The following MSN variants were observed in gnomAD, a reference collection of about 807,000 sequenced individuals.
MSN encodes moesin.
Under a neutral mutation model 48.0 loss-of-function variants are expected in MSN, and 2 were observed. That is an observed-to-expected ratio of 0.04 (90% confidence interval 0.02 to 0.13). The LOEUF (loss-of-function observed/expected upper bound fraction) is 0.13. Among genes scored for constraint, MSN ranks in the 10% least tolerant of loss-of-function variants. The probability of loss-of-function intolerance (pLI) is 1.00; values close to 1 mark genes in which losing one functional copy is unlikely to be tolerated. For synonymous variants in MSN, 146 were observed against 166.9 expected, an observed-to-expected ratio of 0.87 and a Z score of 0.97; for missense variants, 267 against 470.1, an observed-to-expected ratio of 0.57 and a Z score of 3.99.
In MSN at chrX:65,611,329, T is replaced by G. The variant is rs188534061; in HGVS notation, c.-22+22717T>G. Among the ~76,000 whole-genome samples the G allele has an allele frequency of 7.1e-4, 78 of 110,574 alleles. 1 individual carries two copies. The East Asian group carries it at 0.021, about 30-fold the overall frequency. On this transcript the variant is annotated intron_variant, in intron 1 of 3. Transcript: ENST00000609672. ...TGTGTGCCACCATGCCCAGCTAATT[T>G]TTGTATTTTTAGTAGAGACGGAATT...
chrX:65,682,067 A>C (rs1280073281), intron 1 of MSN, among the ~76,000 whole-genome samples: 1 of 111,918 alleles, frequency 8.9e-6, no homozygotes, highest in Non-Finnish European at 1.9e-5. Context: ...TTAGCTCTTT[A>C]GTATAAAATA....
rs751469486 is a variant in MSN, at chrX:65,733,190, T to C, written c.705T>C (p.Thr235=). ...LNIYEQNDRL[T]PKIGFPWSEI... ...TTGGTTTCTATTTCTACAGACTAAC[T>C]CCCAAGATAGGCTTCCCCTGGAGTG... The change falls in exon 7 of 13, where the codon ACT becomes ACC. Residue 235 remains threonine, a synonymous_variant. Transcript: ENST00000360270. 16 of 1,207,694 alleles carry C rather than the reference T, an allele frequency of 1.3e-5. No homozygotes were observed. The highest frequency in any genetic ancestry group is 1.8e-5 in the Non-Finnish European group (16 of 892,110).
chrX:65,685,778 T>A (rs1485870700), intron 1 of MSN, among the ~76,000 whole-genome samples: 1 of 111,249 alleles, frequency 9.0e-6, no homozygotes, highest in Non-Finnish European at 1.9e-5. Context: ...TAGAGACAGG[T>A]TTTTGCCGTG....
At chrX:65,611,689 C>A (rs922086677) in intron 1 of MSN, among the ~76,000 whole-genome samples, 3 of 111,864 alleles carry the variant, frequency 2.7e-5, no homozygotes, top group Non-Finnish European at 5.6e-5. Context: ...GTATGAGTAT[C>A]TCTTTGAGAC....
intron 1 of MSN, among the ~76,000 whole-genome samples, chrX:65,681,616 C>T (rs1023898388): frequency 8.9e-6 from 1 of 112,255 alleles, no homozygotes; most frequent in Non-Finnish European, 1.9e-5. Flanking sequence ...CTTGAGTCAC[C>T]AGTGCAAATT....
intron 1 of MSN, among the ~76,000 whole-genome samples, chrX:65,694,094 G>A (rs978125578): frequency 9.1e-6 from 1 of 109,603 alleles, no homozygotes; most frequent in Non-Finnish European, 1.9e-5. Flanking sequence ...AAAACAAAAC[G>A]GAGGATAGTA....
intron 1 of MSN, among the ~76,000 whole-genome samples, chrX:65,697,271 A>T (rs1174810345): frequency 1.8e-5 from 2 of 111,473 alleles, no homozygotes; most frequent in African/African-American, 6.5e-5. Flanking sequence ...CCAACCAAGG[A>T]TCATGCCACA....
intron 1 of MSN, among the ~76,000 whole-genome samples, chrX:65,682,729 A>G (rs2071069774): frequency 8.9e-6 from 1 of 112,264 alleles, no homozygotes; most frequent in Non-Finnish European, 1.9e-5. Flanking sequence ...TTCTCAACAA[A>G]TATTTATTGA....
intron 1 of MSN, among the ~76,000 whole-genome samples, chrX:65,618,543 G>C (rs543538553): frequency 9.0e-6 from 1 of 110,625 alleles, no homozygotes; most frequent in Non-Finnish European, 1.9e-5. Flanking sequence ...TTCCTTTTTT[G>C]GTTTTCCATT....
intron 1 of MSN, among the ~76,000 whole-genome samples, chrX:65,591,361 T>C (rs1333045096): frequency 8.9e-6 from 1 of 112,058 alleles, no homozygotes; most frequent in African/African-American, 3.2e-5. Flanking sequence ...GTCTATCCCC[T>C]GTCTGCTCTG....
rs185283969 is a variant in MSN, at chrX:65,703,327, A to G, written c.13-13491A>G. 2.3e-3 allele frequency among the ~76,000 whole-genome samples: 259 copies of G among 110,710 alleles called. 3 individuals carry two copies. Among genetic ancestry groups the G allele is most frequent in the African/African-American group, 8.3e-3 (254 of 30,427 alleles). ...TTATGTTAACTTAAATCTCCCAATAACCCTGTACTGAGGTCGATATTATTA... is the reference window on the plus strand; with the variant it reads ...TTATGTTAACTTAAATCTCCCAATAGCCCTGTACTGAGGTCGATATTATTA... On this transcript the variant is annotated intron_variant, in intron 1 of 12. Coordinates refer to ENST00000360270, the MANE Select transcript of MSN (RefSeq NM_002444.3).
In MSN at chrX:65,693,819, C is replaced by T. The variant is rs1000621017; in HGVS notation, c.13-22999C>T. On this transcript the variant is annotated intron_variant, in intron 1 of 12. Transcript: ENST00000360270. ...CTGTAATCCCAGCACTTTGGGAGGCCGAGGCGGGCAGATCACGAGGTCAGG... is the reference window on the plus strand; with the variant it reads ...CTGTAATCCCAGCACTTTGGGAGGCTGAGGCGGGCAGATCACGAGGTCAGG... Among the ~76,000 whole-genome samples the T allele has an allele frequency of 9.0e-5, 10 of 111,628 alleles. No homozygotes were observed. In the East Asian group the frequency reaches 1.7e-3, roughly 19 times the overall value.
intron 1 of MSN, among the ~76,000 whole-genome samples, chrX:65,697,744 A>G (rs970652247): frequency 3.6e-5 from 4 of 112,644 alleles, no homozygotes; most frequent in African/African-American, 1.3e-4. Flanking sequence ...ATCAAGGAAG[A>G]ACATTGGCAT....
chrX:65,683,942 CTTT>C (rs370356986), intron 1 of MSN, among the ~76,000 whole-genome samples: 1 of 80,487 alleles, frequency 1.2e-5, no homozygotes. Flanking sequence ...CTTTCTTTTT[CTTT>C]TTTTTTTTTT....
upstream of MSN, among the ~76,000 whole-genome samples, chrX:65,667,376 T>C (rs2070881584): frequency 9.5e-6 from 1 of 105,455 alleles, no homozygotes; most frequent in Non-Finnish European, 1.9e-5. Context: ...GTCTGGGCCC[T>C]GAGTGGGGGT....
Position 65,735,389 on chromosome X carries a change from G to A in MSN, c.918G>A (p.Lys306=). The A allele has an allele frequency of 4.1e-6, 5 of 1,209,458 alleles. No individual in the cohort carries two copies. Among genetic ancestry groups the A allele is most frequent in the Non-Finnish European group, 5.6e-6 (5 of 894,292 alleles). The change falls in exon 8 of 13, where the codon AAG becomes AAA. Residue 306 remains lysine (K), a synonymous_variant. Transcript: ENST00000360270. The part of the protein sequence containing the change: ...KPDTIEVQQM[K]AQAREEKHQK... ...ATACCATTGAGGTGCAGCAGATGAA[G>A]GCACAGGCCCGGGAGGAGAAGCACC...
chrX:65,638,006 G>A (rs188531828), intron 1 of MSN, among the ~76,000 whole-genome samples: 7 of 112,158 alleles, frequency 6.2e-5, no homozygotes, highest in Admixed American at 4.8e-4. Context: ...GTTCCATGAT[G>A]GTAGTGATTT....
chrX:65,618,120 C>A (rs777616618), intron 1 of MSN, among the ~76,000 whole-genome samples: 1 of 111,981 alleles, frequency 8.9e-6, no homozygotes, highest in Admixed American at 9.5e-5. Flanking sequence ...GATTTCTTCA[C>A]TTCCAACTAA....
At chrX:65,677,257 G>A (rs930056113) in intron 1 of MSN, among the ~76,000 whole-genome samples, 1 of 111,831 alleles carries the variant, frequency 8.9e-6, no homozygotes, top group Non-Finnish European at 1.9e-5. Flanking sequence ...GAGGGTCAAG[G>A]TAACAGTCAA....
Sources: gnomAD v4.1 joint callset for allele counts (sites outside exome capture counted in the v4.1 genomes callset) on GRCh38, gnomAD v4.1.1 for gene constraint, MANE v1.5 for transcripts, NCBI Gene and HGNC (gene_info 2026-07-23, HGNC 2026-07-21) for gene names.